The following PRPSAP2 variants were observed in gnomAD, a reference collection of about 807,000 sequenced individuals.
PRPSAP2 encodes the protein phosphoribosyl pyrophosphate synthetase associated protein 2.
PRPSAP2 carries 24 observed loss-of-function variants against 40.6 expected under a neutral mutation model. The observed-to-expected ratio is 0.59, with a 90% CI of 0.43 to 0.83. The LOEUF is 0.83. Ranked by LOEUF, PRPSAP2 falls within the 40% of genes least tolerant of loss-of-function variation. The pLI, the probability that PRPSAP2 is intolerant of heterozygous loss-of-function variation, is 0.00. For missense variants in PRPSAP2, 292 were observed against 465.6 expected (o/e 0.63, Z 3.43); for synonymous variants, 149 against 164.7 (o/e 0.90, Z 0.73).
At chr17:18,907,329 G>C (rs2040657339) in intron 8 of PRPSAP2, among the ~76,000 whole-genome samples, 1 of 152,074 alleles carries the variant, frequency 6.6e-6, no homozygotes, top group African/African-American at 2.4e-5. Flanking sequence ...TAATGATAAA[G>C]GGGTCAGTTC....
At chr17:18,872,765 A>T (rs2037984801) in intron 5 of PRPSAP2, 116 bp downstream of exon 5, 1 of 762,394 alleles carries the variant, frequency 1.3e-6, no homozygotes, top group Middle Eastern at 2.5e-4. Context: ...AGTATATCTT[A>T]CCAATTTAGA....
At chr17:18,867,817 C>T (rs1218688324) in intron 4 of PRPSAP2, among the ~76,000 whole-genome samples, 1 of 152,120 alleles carries the variant, frequency 6.6e-6, no homozygotes, top group Non-Finnish European at 1.5e-5. Flanking sequence ...ACATAATTCT[C>T]CCAAGTTGTA....
Position 18,861,464 on chromosome 17 carries a change from T to TAA in PRPSAP2, c.-129+3216_-129+3217dup, listed in dbSNP as rs5819659. On this transcript the variant is annotated intron_variant, in intron 1 of 11. Coordinates refer to ENST00000268835, the MANE Select transcript of PRPSAP2 (RefSeq NM_002767.4). Reference sequence around the variant, plus strand: ...GGGCAACAAGAGTGAAACTCCATCTTAAAAAAAAAAAAAAGAAAAAAAAGA... The same window carrying TAA: ...GGGCAACAAGAGTGAAACTCCATCTTAAAAAAAAAAAAAAAAGAAAAAAAAGA... 3.7e-3 allele frequency: 520 copies of TAA among 138,890 alleles called. 2 individuals are homozygous for TAA. The highest frequency in any genetic ancestry group is 0.012 in the African/African-American group (449 of 37,256). 8.6% of individuals were successfully genotyped at this position (138,890 alleles called of 1,614,324 possible). A position where few individuals can be genotyped will look rare whatever the true frequency, so the allele number is the denominator to read the frequency against.
chr17:18,880,405 T>C (rs942701141), intron 6 of PRPSAP2, among the ~76,000 whole-genome samples: 4 of 152,196 alleles, frequency 2.6e-5, no homozygotes, highest in Middle Eastern at 3.2e-3. Flanking sequence ...TGTCTTGATA[T>C]CTTTTTTTTT....
At chr17:18,918,107 G>A (rs867078625) in intron 9 of PRPSAP2, among the ~76,000 whole-genome samples, 6 of 152,088 alleles carry the variant, frequency 3.9e-5, no homozygotes, top group African/African-American at 1.4e-4. Flanking sequence ...TAGTGTGGTT[G>A]GGATAGCCAT....
chr17:18,900,534 T>C (rs2040201976), intron 8 of PRPSAP2, among the ~76,000 whole-genome samples: 1 of 152,176 alleles, frequency 6.6e-6, no homozygotes, highest in African/African-American at 2.4e-5. Context: ...TTCACTGGCC[T>C]TTAGTGTGGC....
At chr17:18,885,346 A>G (rs1278371224) in intron 7 of PRPSAP2, among the ~76,000 whole-genome samples, 1 of 130,988 alleles carries the variant, frequency 7.6e-6, no homozygotes, top group Non-Finnish European at 1.6e-5. Flanking sequence ...GAAGTTGCCC[A>G]GGTGGTCGAG....
intron 9 of PRPSAP2, among the ~76,000 whole-genome samples, chr17:18,914,249 C>CTTTTTTTTTTTTTTTTTTTTTTTTT (rs60892883): frequency 6.2e-5 from 3 of 48,088 alleles, no homozygotes; most frequent in Non-Finnish European, 1.0e-4. Context: ...CATGTTTTTG[C>CTTTTTTTTTTTTTTTTTTTTTTTTT]TTTTTTTTTT....
chr17:18,880,778 T>C (rs2038672166), intron 6 of PRPSAP2, among the ~76,000 whole-genome samples: 1 of 152,170 alleles, frequency 6.6e-6, no homozygotes, highest in Non-Finnish European at 1.5e-5. Context: ...TGCTCTAATA[T>C]AATTTTTAAA....
chr17:18,924,044 T>C (rs2041838562), intron 10 of PRPSAP2, 60 bp downstream of exon 10: 2 of 1,492,022 alleles, frequency 1.3e-6, no homozygotes, highest in Admixed American at 1.7e-5. Context: ...TGTTGATTGA[T>C]TGATTGATTG....
intron 7 of PRPSAP2, among the ~76,000 whole-genome samples, chr17:18,888,657 C>A (rs2039325345): frequency 3.1e-5 from 1 of 32,470 alleles, no homozygotes; most frequent in Non-Finnish European, 6.8e-5. Flanking sequence ...GGGGGCTGAC[C>A]CCCCCCACCT....
intron 4 of PRPSAP2, among the ~76,000 whole-genome samples, chr17:18,868,062 G>T (rs1272217678): frequency 1.3e-5 from 2 of 152,166 alleles, no homozygotes; most frequent in Non-Finnish European, 2.9e-5. Context: ...CTTGAGCCCA[G>T]GAGGTGGAGG....
At chr17:18,872,272 C>CA (rs368082910) in intron 4 of PRPSAP2, among the ~76,000 whole-genome samples, 1,601 of 77,184 alleles carry the variant, frequency 0.021, 10 homozygotes, top group African/African-American at 0.023. Context: ...GACTCCGTCT[C>CA]AAAAAAAAAA....
intron 9 of PRPSAP2, among the ~76,000 whole-genome samples, chr17:18,918,934 T>C (rs553806162): frequency 6.6e-6 from 1 of 152,348 alleles, no homozygotes; most frequent in African/African-American, 2.4e-5. Flanking sequence ...TTTTACCTTT[T>C]TTTGTGCTTT....
At chr17:18,857,580 A>ATTT (rs35569332), upstream of PRPSAP2, among the ~76,000 whole-genome samples, 399 of 142,458 alleles carry the variant, frequency 2.8e-3, 2 homozygotes, top group Non-Finnish European at 3.6e-3. Flanking sequence ...CGCCTGGCTA[A>ATTT]TTTTTTTTTT....
chr17:18,867,266 C>G lies in PRPSAP2; in HGVS notation c.120-16C>G, dbSNP rs1567669409. The G allele has an allele frequency of 1.2e-6, 2 of 1,613,280 alleles. No individual in the cohort carries two copies. Among genetic ancestry groups the G allele is most frequent in the Admixed American group, 3.3e-5 (2 of 59,876 alleles). On this transcript the variant is annotated splice_polypyrimidine_tract_variant and intron_variant, in intron 3 of 11. Coordinates refer to ENST00000268835, the MANE Select transcript of PRPSAP2 (RefSeq NM_002767.4). ...TCTATTACTTTTTCAGCTTTTTCCCCCTTTCTCTTCTCTAGGCGGCTAGGG... is the reference window on the plus strand; with the variant it reads ...TCTATTACTTTTTCAGCTTTTTCCCGCTTTCTCTTCTCTAGGCGGCTAGGG...
Position 18,930,856 on chromosome 17 carries a change from G to A in PRPSAP2, c.*158G>A, listed in dbSNP as rs539070585. ...AGAAGATAGACCAACTTTTTATGTCGGTTTGGGTGTTTGTGAGTTTGGGGA... is the reference window on the plus strand; with the variant it reads ...AGAAGATAGACCAACTTTTTATGTCAGTTTGGGTGTTTGTGAGTTTGGGGA... On this transcript the variant is annotated 3_prime_UTR_variant, in exon 12 of 12. Coordinates refer to ENST00000268835, the MANE Select transcript of PRPSAP2 (RefSeq NM_002767.4). The A allele has an allele frequency of 1.4e-5, 8 of 567,368 alleles. No homozygotes were observed. The highest frequency in any genetic ancestry group is 1.9e-5 in the African/African-American group (1 of 52,418). 35.1% of individuals were successfully genotyped at this position (567,368 alleles called of 1,614,324 possible).
Position 18,877,764 on chromosome 17 carries a change from G to C in PRPSAP2, c.306G>C (p.Lys102Asn). Reference sequence around the variant, plus strand: ...ATGCATGTAAGACCTCTTGTGCCAAGAGCATCATTGGCGTGATACCCTACT... The same window carrying C: ...ATGCATGTAAGACCTCTTGTGCCAACAGCATCATTGGCGTGATACCCTACT... ...MVYACKTSCA[K>N]SIIGVIPYFP... Residue 102 changes from lysine to asparagine, a missense_variant, in exon 6 of 12, where the codon AAG (lysine) becomes AAC (asparagine). By Grantham distance (94) the Lys-to-Asn change is moderately conservative. Around this residue, in one of 2 missense-constraint regions of PRPSAP2, gnomAD observed 241 missense variants for 425.7 expected, o/e 0.57. Coordinates refer to ENST00000268835, the MANE Select transcript of PRPSAP2 (RefSeq NM_002767.4). The C allele has an allele frequency of 6.2e-7, 1 of 1,613,854 alleles. No individual in the cohort carries two copies. Among genetic ancestry groups the C allele is most frequent in the Non-Finnish European group, 8.5e-7 (1 of 1,179,818 alleles).
rs1262032874 is a variant in PRPSAP2 at position 18,912,075 on chromosome 17, GGGAGGCTGAGGCA to G, written c.733+829_733+841del. 1.5e-4 allele frequency among the ~76,000 whole-genome samples: 23 copies of G among 152,264 alleles called. 1 individual carries two copies. Among genetic ancestry groups the G allele is most frequent in the Admixed American group, 6.5e-4 (10 of 15,292 alleles). Reference sequence around the variant, plus strand: ...CGTATGCCTGTAATCCCAGCTCCTTGGGAGGCTGAGGCAGGAGAATCGCTTGAACCCGGGAGAC... The same window carrying G: ...CGTATGCCTGTAATCCCAGCTCCTTGGGAGAATCGCTTGAACCCGGGAGAC... On this transcript the variant is annotated intron_variant, in intron 9 of 11. Coordinates refer to ENST00000268835, the MANE Select transcript of PRPSAP2 (RefSeq NM_002767.4).
Sources: allele counts gnomAD v4.1 joint callset (sites outside exome capture counted in the v4.1 genomes callset), GRCh38; gene constraint gnomAD v4.1.1; regional missense constraint gnomAD v4.1.1; transcripts MANE v1.5; gene names NCBI Gene and HGNC (gene_info 2026-07-23, HGNC 2026-07-21).